NETO1: variants seen among roughly 807,000 people sequenced by gnomAD.
NETO1 encodes the protein neuropilin and tolloid-like protein 1.
Under a neutral mutation model 61.3 loss-of-function variants are expected in NETO1, and 26 were observed. The observed-to-expected ratio is 0.42, with a 90% confidence interval of 0.31 to 0.59. The LOEUF is 0.59. Ranked by LOEUF, NETO1 falls within the 20% of genes least tolerant of loss-of-function variation. The pLI is 0.12. For synonymous variants in NETO1, 225 were observed against 225.8 expected (o/e 1.00, Z 0.03); for missense variants, 531 against 662.8 (o/e 0.80, Z 2.18).
chr18:72,811,594 A>G (rs1456577788), intron 4 of NETO1, among the ~76,000 whole-genome samples: 2 of 152,166 alleles, frequency 1.3e-5, no homozygotes, highest in African/African-American at 4.8e-5. Flanking sequence ...TTTTGAGATC[A>G]GGAGTTTGAG....
At chr18:72,791,757 T>G (rs2072126428) in intron 6 of NETO1, among the ~76,000 whole-genome samples, 1 of 152,186 alleles carries the variant, frequency 6.6e-6, no homozygotes, top group Non-Finnish European at 1.5e-5. Context: ...TTAAAAAGTC[T>G]TTAAAAATCT....
chr18:72,801,126 C>A (rs893440495), intron 4 of NETO1, among the ~76,000 whole-genome samples: 4 of 152,130 alleles, frequency 2.6e-5, no homozygotes, highest in Non-Finnish European at 5.9e-5. Context: ...TTAAAAAATT[C>A]CTACAGACTC....
intron 7 of NETO1, among the ~76,000 whole-genome samples, chr18:72,780,085 G>T (rs1022593642): frequency 6.6e-6 from 1 of 152,086 alleles, no homozygotes; most frequent in Non-Finnish European, 1.5e-5. Flanking sequence ...CTTGGCAACT[G>T]GATTTTGAAC....
intron 4 of NETO1, among the ~76,000 whole-genome samples, chr18:72,841,175 G>A (rs2096956): frequency 0.18 from 27,429 of 152,064 alleles, 2,983 homozygotes; most frequent in Middle Eastern, 0.28. Context: ...GTGTTTTTTG[G>A]TATTTGAAGT....
At chr18:72,786,559 A>T (rs934615162) in intron 6 of NETO1, among the ~76,000 whole-genome samples, 3 of 152,098 alleles carry the variant, frequency 2.0e-5, no homozygotes, top group African/African-American at 7.3e-5. Flanking sequence ...CCATTGCTAC[A>T]GCCTTATGAG....
chr18:72,748,392 T>A (rs548060562), intron 10 of NETO1: 1 of 627,052 alleles, frequency 1.6e-6, no homozygotes, highest in East Asian at 1.4e-4. Context: ...CATTGTGATA[T>A]CTGATGACAA....
intron 7 of NETO1, among the ~76,000 whole-genome samples, chr18:72,776,302 A>G (rs1157536888): frequency 6.6e-6 from 1 of 152,220 alleles, no homozygotes; most frequent in Non-Finnish European, 1.5e-5. Context: ...GAACTCACTC[A>G]TTACCAGAAC....
rs144957794 is a variant in NETO1 at position 72,795,820 on chromosome 18, C to T, written c.470-1416G>A. On this transcript the variant is annotated intron_variant, in intron 4 of 10. Coordinates refer to ENST00000327305, the MANE Select transcript of NETO1 (RefSeq NM_138966.5). ...TTATAGGATATATTGTTATTAACTA[C>T]AGCTACCATGGTGATCTCTTGAACT... 1.2e-3 allele frequency among the ~76,000 whole-genome samples: 178 copies of T among 152,280 alleles called. 2 individuals carry two copies. Among genetic ancestry groups the T allele is most frequent in the Admixed American group, 9.6e-3 (147 of 15,298 alleles).
Position 72,845,245 on chromosome 18 carries a change from C to T in NETO1, c.469+13581G>A, listed in dbSNP as rs75918762. 1.0e-3 allele frequency among the ~76,000 whole-genome samples: 154 copies of T among 152,180 alleles called. 1 individual carries two copies. In the East Asian group the frequency reaches 0.023, roughly 22 times the overall value. ...GACTGTATCATTAGGGAGAAAAATC[C>T]GTAATGCTATCTGTCAAGTGCTGAT... On this transcript the variant is annotated intron_variant, in intron 4 of 10. Coordinates refer to ENST00000327305, the MANE Select transcript of NETO1 (RefSeq NM_138966.5).
chr18:72,771,314 C>T (rs1266665139), intron 7 of NETO1, among the ~76,000 whole-genome samples: 2 of 152,116 alleles, frequency 1.3e-5, no homozygotes, highest in Non-Finnish European at 2.9e-5. Flanking sequence ...AGAAAAACTA[C>T]ACACAAAGAG....
At chr18:72,867,241 G>A (rs1400026207) in intron 1 of NETO1, 23 bp downstream of exon 1, 1 of 1,532,382 alleles carries the variant, frequency 6.5e-7, no homozygotes, top group South Asian at 1.3e-5. Flanking sequence ...GGAGCGCACG[G>A]GCGCGGCGGG....
intron 6 of NETO1, among the ~76,000 whole-genome samples, chr18:72,792,293 A>C (rs922617901): frequency 2.0e-5 from 3 of 152,050 alleles, no homozygotes; most frequent in African/African-American, 7.2e-5. Context: ...AAGTTAGCCA[A>C]GTGTGGTGGC....
chr18:72,758,244 G>GTA, intron 7 of NETO1, among the ~76,000 whole-genome samples: 1 of 151,906 alleles, frequency 6.6e-6, no homozygotes, highest in African/African-American at 2.4e-5. Context: ...ACATATTAGT[G>GTA]GTTTTACCAA....
chr18:72,789,602 C>T (rs937748525), intron 6 of NETO1, among the ~76,000 whole-genome samples: 1 of 151,970 alleles, frequency 6.6e-6, no homozygotes, highest in South Asian at 2.1e-4. Context: ...TAAATAACAC[C>T]CATGTACTAT....
intron 4 of NETO1, among the ~76,000 whole-genome samples, chr18:72,810,268 C>T (rs570254612): frequency 1.3e-5 from 2 of 152,090 alleles, no homozygotes; most frequent in East Asian, 1.9e-4. Context: ...TAGGTTTGAA[C>T]GGGCATCTGA....
At chr18:72,859,181 T>C (rs570873711) in intron 3 of NETO1, 107 bp from the exon 4 acceptor site, 30 of 1,055,894 alleles carry the variant, frequency 2.8e-5, no homozygotes, top group South Asian at 3.7e-5. Flanking sequence ...TCAAACTTTA[T>C]GGATGATATG....
intron 4 of NETO1, among the ~76,000 whole-genome samples, chr18:72,842,642 T>A (rs1370529479): frequency 6.6e-6 from 1 of 152,180 alleles, no homozygotes; most frequent in Admixed American, 6.5e-5. Flanking sequence ...CAAATTGGTG[T>A]CTTTGAGAAG....
intron 7 of NETO1, among the ~76,000 whole-genome samples, chr18:72,783,203 A>G (rs2071800839): frequency 6.6e-6 from 1 of 152,344 alleles, no homozygotes; most frequent in African/African-American, 2.4e-5. Flanking sequence ...CTCATTTACA[A>G]TCTACCCAAG....
chr18:72,838,327 C>T (rs1943668), intron 4 of NETO1, among the ~76,000 whole-genome samples: 146,264 of 152,318 alleles, frequency 0.96, 70,313 homozygotes, highest in Non-Finnish European at 0.99. Flanking sequence ...GTTATGTGAG[C>T]ACTTTGGACT....
Sources: allele counts gnomAD v4.1 joint callset (sites outside exome capture counted in the v4.1 genomes callset), GRCh38; gene constraint gnomAD v4.1.1; transcripts MANE v1.5; gene names NCBI Gene and HGNC (gene_info 2026-07-23, HGNC 2026-07-21).